Variants in ARID1B observed in about 807,000 individuals in gnomAD.
The protein encoded by ARID1B is AT-rich interactive domain-containing protein 1B.
ARID1B carries 30 observed loss-of-function variants against 212.3 expected under a neutral mutation model. The observed-to-expected ratio is 0.14, with a 90% confidence interval of 0.11 to 0.19. The LOEUF (loss-of-function observed/expected upper bound fraction) is 0.19, where lower values mean the gene tolerates loss of function less well. Among genes scored for constraint, ARID1B ranks in the 10% least tolerant of loss-of-function variants. The pLI, the probability that ARID1B is intolerant of heterozygous loss-of-function variation, is 1.00. For synonymous variants in ARID1B, 1,402 were observed against 1,301.7 expected (o/e 1.08, Z -1.66); for missense variants, 2,891 against 3,204.0 (o/e 0.90, Z 2.36).
chr6:157,149,018 C>T, intron 8 of ARID1B, 67 bp downstream of exon 8: 1 of 1,464,628 alleles, frequency 6.8e-7, no homozygotes, highest in Non-Finnish European at 9.3e-7. Flanking sequence ...CGTGACTGCG[C>T]ACATAGCTGC....
intron 3 of ARID1B, among the ~76,000 whole-genome samples, chr6:156,930,186 G>A (rs549839448): frequency 2.0e-5 from 3 of 152,286 alleles, no homozygotes; most frequent in South Asian, 2.1e-4. Context: ...GGGCCAGGTG[G>A]GAGAGGATTG....
chr6:157,174,259 GTCT>G, intron 10 of ARID1B, 142 bp downstream of exon 10: 4 of 666,284 alleles, frequency 6.0e-6, no homozygotes, highest in South Asian at 5.8e-5. Context: ...CATGTTTGTA[GTCT>G]TCTTTTCTTT....
intron 2 of ARID1B, among the ~76,000 whole-genome samples, chr6:156,889,365 G>A (rs1787753816): frequency 6.6e-6 from 1 of 152,222 alleles, no homozygotes; most frequent in African/African-American, 2.4e-5. Context: ...TCCTCAGGAA[G>A]AAAGTGTTTT....
rs1784034921 is a variant in ARID1B at position 157,072,057 on chromosome 6, T to G, written c.2248-12605T>G. 2 of 152,226 alleles carry G rather than the reference T, an allele frequency of 1.3e-5. 1 individual carries two copies. The highest frequency in any genetic ancestry group is 4.1e-4 in the South Asian group (2 of 4,826). The allele number at this position is 152,226 out of a possible 1,614,324, so 9.4% of individuals were successfully genotyped here. A position where few individuals can be genotyped will look rare whatever the true frequency, so the allele number is the denominator to read the frequency against. On this transcript the variant is annotated intron_variant, in intron 4 of 19. Transcript: ENST00000636930. ...TGCAAAGTATGCATATGAGCAGAATTTTTTCTTTGTCCAACTTGATCTTAT... is the reference window on the plus strand; with the variant it reads ...TGCAAAGTATGCATATGAGCAGAATGTTTTCTTTGTCCAACTTGATCTTAT...
intron 4 of ARID1B, among the ~76,000 whole-genome samples, chr6:157,038,791 G>C (rs1199990572): frequency 6.6e-6 from 1 of 152,130 alleles, no homozygotes; most frequent in African/African-American, 2.4e-5. Flanking sequence ...TACTTACTGA[G>C]TATGCAGCAA....
At chr6:157,132,191 G>A (rs1050676806) in intron 6 of ARID1B, among the ~76,000 whole-genome samples, 15 of 152,176 alleles carry the variant, frequency 9.9e-5, no homozygotes, top group Admixed American at 7.9e-4. Context: ...AAATAAGGAA[G>A]AAGTACCATG....
chr6:156,995,426 G>A (rs1583103823), intron 4 of ARID1B, among the ~76,000 whole-genome samples: 1 of 152,220 alleles, frequency 6.6e-6, no homozygotes, highest in East Asian at 1.9e-4. Context: ...TCTTGAATAA[G>A]TAGGAGAGTT....
chr6:156,866,097 A>T lies in ARID1B; in HGVS notation c.1987-35279A>T, dbSNP rs1292460848. Among the ~76,000 whole-genome samples, 3 of 151,896 alleles carry T rather than the reference A, an allele frequency of 2.0e-5. 1 individual carries two copies. The highest frequency in any genetic ancestry group is 1.3e-4 in the Admixed American group (2 of 15,256). On this transcript the variant is annotated intron_variant, in intron 2 of 19. Transcript: ENST00000636930. ...CCTTAGGGAAATCTGGGACATTCCC[A>T]CTCCCATCCTGGCTGTATTTAGACC... is the stretch of plus-strand genomic sequence containing the variant.
At chr6:156,947,448 G>A (rs553845339) in intron 4 of ARID1B, among the ~76,000 whole-genome samples, 16 of 151,808 alleles carry the variant, frequency 1.1e-4, no homozygotes, top group African/African-American at 3.9e-4. Flanking sequence ...TTTTGCAGAT[G>A]TAGGGCGTGT....
chr6:157,112,426 A>AT (rs1192396648), intron 6 of ARID1B, among the ~76,000 whole-genome samples: 1 of 152,164 alleles, frequency 6.6e-6, no homozygotes, highest in Non-Finnish European at 1.5e-5. Context: ...GAAAAAGGAA[A>AT]TTGTCTTGCA....
At chr6:156,990,644 C>T (rs1327714387) in intron 4 of ARID1B, among the ~76,000 whole-genome samples, 4 of 151,904 alleles carry the variant, frequency 2.6e-5, no homozygotes, top group Admixed American at 1.3e-4. Flanking sequence ...CGTCTCAAAA[C>T]GAACAAACAA....
At chr6:156,822,008 A>G (rs1398804984) in intron 1 of ARID1B, among the ~76,000 whole-genome samples, 1 of 151,516 alleles carries the variant, frequency 6.6e-6, no homozygotes, top group Non-Finnish European at 1.5e-5. Flanking sequence ...CTTGTCTAAT[A>G]TCTTTTTTTT....
chr6:156,949,324 T>G (rs535335936), intron 4 of ARID1B, among the ~76,000 whole-genome samples: 1 of 152,336 alleles, frequency 6.6e-6, no homozygotes, highest in African/African-American at 2.4e-5. Context: ...AAAGAACATT[T>G]CACACCTAAT....
In ARID1B at chr6:156,778,945, TGGC is replaced by T. The variant is rs765410747; in HGVS notation, c.1275_1277del (p.Ala433del). The T allele has an allele frequency of 3.1e-6, 4 of 1,277,190 alleles. No homozygotes were observed. Among genetic ancestry groups the T allele is most frequent in the Non-Finnish European group, 3.9e-6 (4 of 1,021,934 alleles). 79.1% of individuals were successfully genotyped at this position (1,277,190 alleles called of 1,614,324 possible). A position where few individuals can be genotyped will look rare whatever the true frequency, so the allele number is the denominator to read the frequency against. Reference sequence around the variant, plus strand: ...GCAGGAGGAGCAGGAGCGGGAGCTGTGGCGGCGGCGGCCGCGGCGGCGGCGGCA... The same window carrying T: ...GCAGGAGGAGCAGGAGCGGGAGCTGTGGCGGCGGCCGCGGCGGCGGCGGCA... On this transcript the variant is annotated inframe_deletion, in exon 1 of 20. Coordinates refer to ENST00000636930, the MANE Select transcript of ARID1B (RefSeq NM_001374828.1).
chr6:156,933,621 C>T (rs768052180), intron 3 of ARID1B, among the ~76,000 whole-genome samples: 3 of 152,158 alleles, frequency 2.0e-5, no homozygotes, highest in East Asian at 1.9e-4. Flanking sequence ...TGTAAGTGTC[C>T]TTGGATTGCC....
intron 2 of ARID1B, among the ~76,000 whole-genome samples, chr6:156,859,463 T>C (rs572859515): frequency 6.6e-6 from 1 of 152,250 alleles, no homozygotes; most frequent in South Asian, 2.1e-4. Flanking sequence ...GCAGGGAGAG[T>C]TCGCCTTCCC....
At chr6:156,814,628 A>G (rs1031354247) in intron 1 of ARID1B, among the ~76,000 whole-genome samples, 3 of 152,198 alleles carry the variant, frequency 2.0e-5, no homozygotes, top group African/African-American at 4.8e-5. Flanking sequence ...GATGTGGGAA[A>G]TGCAACCATG....
intron 3 of ARID1B, among the ~76,000 whole-genome samples, chr6:156,921,462 C>T (rs284421): frequency 1.9e-4 from 21 of 111,942 alleles, no homozygotes; most frequent in Non-Finnish European, 2.9e-4. Context: ...CACACACACA[C>T]ACACACACAC....
chr6:157,191,939 G>T (rs981106804), intron 15 of ARID1B, among the ~76,000 whole-genome samples: 2 of 152,122 alleles, frequency 1.3e-5, no homozygotes, highest in African/African-American at 4.8e-5. Context: ...CAATGAAAAA[G>T]AACAATGGAG....
Sources: gnomAD v4.1 joint callset for allele counts (sites outside exome capture counted in the v4.1 genomes callset) on GRCh38, gnomAD v4.1.1 for gene constraint, MANE v1.5 for transcripts, NCBI Gene and HGNC (gene_info 2026-07-23, HGNC 2026-07-21) for gene names.